PDE4DIP: variants seen among roughly 807,000 people sequenced by gnomAD.
PDE4DIP encodes the protein phosphodiesterase 4D interacting protein.
Under a neutral mutation model 221.4 loss-of-function variants are expected in PDE4DIP, and 59 were observed. The ratio of observed to expected loss-of-function variants is 0.27; its 90% CI spans 0.22 to 0.33. The LOEUF is 0.33. PDE4DIP is among the 10% of genes least tolerant of loss of function. PDE4DIP has a pLI of 1.00. For synonymous variants in PDE4DIP, 404 were observed against 815.9 expected (o/e 0.50, Z 8.60); for missense variants, 1,036 against 2,154.2 (o/e 0.48, Z 10.28).
At chr1:148,915,265 A>T (rs1553457462) in intron 1 of PDE4DIP, among the ~76,000 whole-genome samples, 1 of 152,202 alleles carries the variant, frequency 6.6e-6, no homozygotes, top group Non-Finnish European at 1.5e-5. Context: ...CTCCTGCCTC[A>T]GCCTCCCAAG....
In PDE4DIP at chr1:148,979,858, G is replaced by A. The variant is rs782563095; in HGVS notation, c.2687+9G>A. 1.9e-6 allele frequency: 3 copies of A among 1,610,988 alleles called. No homozygotes were observed. ...CATGCCCATCCAGAGAGGTAAGAGA[G>A]AGGCTGTTTTTTCTTTTATTCTTTA... On this transcript the variant is annotated intron_variant, in intron 20 of 43. Transcript: ENST00000369354.
intron 23 of PDE4DIP, among the ~76,000 whole-genome samples, chr1:148,998,818 G>T (rs1277627112): frequency 6.6e-6 from 1 of 151,056 alleles, no homozygotes. Context: ...CTCACTGACT[G>T]CAAGCTCCAC....
intron 5 of PDE4DIP, among the ~76,000 whole-genome samples, chr1:148,958,241 A>G (rs587645330): frequency 3.4e-4 from 50 of 146,446 alleles, no homozygotes; most frequent in Admixed American, 3.1e-3. Flanking sequence ...ATCCATATCT[A>G]TCCATTTATT....
intron 17 of PDE4DIP, among the ~76,000 whole-genome samples, chr1:148,976,424 T>A (rs587681711): frequency 6.6e-6 from 1 of 152,346 alleles, no homozygotes; most frequent in East Asian, 1.9e-4. Context: ...TCTCTCAGAC[T>A]CAAATCACCT....
In PDE4DIP at chr1:149,020,686, GA is replaced by G. The variant is rs2072487420; in HGVS notation, c.5961-342del. 1.5e-4 allele frequency: 55 copies of G among 365,894 alleles called. No individual in the cohort carries two copies. In the South Asian group the frequency reaches 2.3e-3, roughly 15 times the overall value. The allele number at this position is 365,894 out of a possible 1,614,324, so 22.7% of individuals were successfully genotyped here. Reference sequence around the variant, plus strand: ...CCTAGGAAGCTTCTATACTGGCTGTGATGCTTGGTCCCAGCATAAGCCCTGT... The same window carrying G: ...CCTAGGAAGCTTCTATACTGGCTGTGTGCTTGGTCCCAGCATAAGCCCTGT... On this transcript the variant is annotated intron_variant, in intron 36 of 43. Coordinates refer to ENST00000369354, the Ensembl canonical transcript of PDE4DIP.
intron 16 of PDE4DIP, among the ~76,000 whole-genome samples, chr1:148,973,465 T>C (rs2059593828): frequency 6.6e-6 from 1 of 152,030 alleles, no homozygotes; most frequent in Admixed American, 6.6e-5. Flanking sequence ...GAACTAGCAA[T>C]GAATATTTTT....
chr1:148,942,405 C>G (rs587719286), intron 5 of PDE4DIP: 31 of 152,082 alleles, frequency 2.0e-4, no homozygotes, highest in Non-Finnish European at 4.3e-4. Context: ...TATTTATGAA[C>G]GTCTATAATT....
intron 4 of PDE4DIP, among the ~76,000 whole-genome samples, chr1:148,937,134 T>C (rs1211242606): frequency 2.0e-5 from 3 of 152,210 alleles, no homozygotes; most frequent in Admixed American, 6.6e-5. Flanking sequence ...CATTGCACTA[T>C]GATGTTACTG....
intron 14 of PDE4DIP, among the ~76,000 whole-genome samples, chr1:148,969,599 C>T (rs1283730852): frequency 6.0e-5 from 9 of 150,486 alleles, no homozygotes; most frequent in African/African-American, 2.0e-4. Flanking sequence ...TTTGTAAAAT[C>T]TGAGTTAAGA....
Position 149,005,264 on chromosome 1 carries a change from T to A in PDE4DIP, c.4242T>A (p.Asp1414Glu), listed in dbSNP as rs143603894. Reference sequence around the variant, plus strand: ...GGTCTTCACCTCATAGTGTCCCTGATGAGGATGAGGGGTGGCTGTCTGATG... The same window carrying A: ...GGTCTTCACCTCATAGTGTCCCTGAAGAGGATGAGGGGTGGCTGTCTGATG... The change falls in exon 27 of 44, where the codon GAT becomes GAA. Residue 1414 changes from aspartate (D) to glutamate (E), a missense_variant. Transcript: ENST00000369354. 3.9e-5 allele frequency: 62 copies of A among 1,598,062 alleles called. No homozygotes were observed. The East Asian group carries it at 1.4e-3, about 36-fold the overall frequency.
chr1:148,955,481 C>A (rs1191639907), intron 5 of PDE4DIP, among the ~76,000 whole-genome samples: 1 of 152,070 alleles, frequency 6.6e-6, no homozygotes, highest in African/African-American at 2.4e-5. Flanking sequence ...TTTTAAAGAT[C>A]ATCTTCAGGC....
intron 5 of PDE4DIP, among the ~76,000 whole-genome samples, chr1:148,947,094 G>A (rs1323838570): frequency 1.4e-5 from 2 of 147,372 alleles, no homozygotes; most frequent in African/African-American, 5.4e-5. Context: ...TCATTGAAGA[G>A]AGAAAAAAAG....
intron 21 of PDE4DIP, chr1:148,985,753 T>G (rs1223366879): frequency 1.3e-5 from 2 of 152,164 alleles, no homozygotes; most frequent in African/African-American, 2.4e-5. Context: ...GTAAAAATCT[T>G]TATCATACTG....
At chr1:149,029,648 C>T (rs2861512) in intron 41 of PDE4DIP, 139 bp from the exon 45 acceptor site, 143 of 720,026 alleles carry the variant, frequency 2.0e-4, no homozygotes, top group East Asian at 8.7e-4. Flanking sequence ...CTGGAGGTAT[C>T]CGAGGCTGTG....
chr1:148,879,512 TGTAGAGATG>T (rs1446788174), intron 3 of PDE4DIP, among the ~76,000 whole-genome samples: 1 of 146,574 alleles, frequency 6.8e-6, no homozygotes, highest in East Asian at 2.0e-4. Context: ...TTTTATTTTT[TGTAGAGATG>T]GGGTCTCACT....
intron 1 of PDE4DIP, among the ~76,000 whole-genome samples, chr1:148,913,901 T>G (rs71238992): frequency 0.12 from 12,395 of 107,620 alleles, 72 homozygotes; most frequent in African/African-American, 0.16. Context: ...TTTTGGAAAT[T>G]TGGTGTGTAA....
At chr1:148,829,017 A>AACACACACACACACACAC (rs5777522) in intron 1 of PDE4DIP, among the ~76,000 whole-genome samples, 30 of 143,424 alleles carry the variant, frequency 2.1e-4, no homozygotes, top group African/African-American at 7.4e-4. Context: ...TTCCTGCATA[A>AACACACACACACACACAC]ACACACACAC....
exon 24 of PDE4DIP, chr1:149,001,909 A>C: frequency 2.5e-6 from 4 of 1,613,592 alleles, no homozygotes; most frequent in Non-Finnish European, 3.4e-6. Flanking sequence ...TAAACACAGA[A>C]CTGGTTGGTT....
chr1:148,918,651 A>ACACGCG (rs1352815018), intron 1 of PDE4DIP, among the ~76,000 whole-genome samples: 2 of 128,350 alleles, frequency 1.6e-5, no homozygotes, highest in South Asian at 2.8e-4. Flanking sequence ...ACACACACAC[A>ACACGCG]CACACACCCT....
Sources: gnomAD v4.1 joint callset for allele counts (sites outside exome capture counted in the v4.1 genomes callset) on GRCh38, gnomAD v4.1.1 for gene constraint, MANE v1.5 for transcripts, NCBI Gene and HGNC (gene_info 2026-07-23, HGNC 2026-07-21) for gene names.